The following LAMA2 variants were observed in gnomAD, a reference collection of about 807,000 sequenced individuals.
LAMA2 encodes laminin subunit alpha 2.
LAMA2 carries 269 observed loss-of-function variants against 364.8 expected under a neutral mutation model. The ratio of observed to expected loss-of-function variants is 0.74; its 90% confidence interval spans 0.67 to 0.82. The LOEUF (loss-of-function observed/expected upper bound fraction) is 0.82. LAMA2 is among the 40% of genes least tolerant of loss of function. The pLI is 0.00. For synonymous variants in LAMA2, 1,379 were observed against 1,370.6 expected, an observed-to-expected ratio of 1.01 and a Z score of -0.14; for missense variants, 3,807 against 3,873.2, an observed-to-expected ratio of 0.98 and a Z score of 0.45.
intron 1 of LAMA2, among the ~76,000 whole-genome samples, chr6:128,960,979 A>G (rs1217164843): frequency 6.6e-6 from 1 of 151,940 alleles, no homozygotes; most frequent in African/African-American, 2.4e-5. Flanking sequence ...TTTAGCTGAG[A>G]CACTAAAATT....
At chr6:128,949,762 T>A (rs1780698316) in intron 1 of LAMA2, among the ~76,000 whole-genome samples, 1 of 152,198 alleles carries the variant, frequency 6.6e-6, no homozygotes, top group African/African-American at 2.4e-5. Context: ...TATTTTAGAG[T>A]TTTAAAACTT....
chr6:128,911,794 A>G (rs1013794341), intron 1 of LAMA2, among the ~76,000 whole-genome samples: 1 of 152,200 alleles, frequency 6.6e-6, no homozygotes, highest in African/African-American at 2.4e-5. Flanking sequence ...CTCCTTTCCC[A>G]GAAGGCCCTC....
intron 1 of LAMA2, among the ~76,000 whole-genome samples, chr6:128,924,125 A>T (rs987210553): frequency 2.6e-5 from 4 of 152,144 alleles, no homozygotes; most frequent in African/African-American, 7.2e-5. Context: ...TTAAAATCAT[A>T]CTATGCTCTC....
chr6:129,011,735 A>G (rs1189237603), intron 1 of LAMA2, among the ~76,000 whole-genome samples: 1 of 152,234 alleles, frequency 6.6e-6, no homozygotes, highest in Non-Finnish European at 1.5e-5. Flanking sequence ...CAGGGTCAGT[A>G]GGCAAGCTTT....
intron 58 of LAMA2, among the ~76,000 whole-genome samples, chr6:129,496,308 G>A (rs575842887): frequency 8.6e-5 from 13 of 151,952 alleles, no homozygotes; most frequent in East Asian, 1.9e-4. Context: ...CTGGGATTAC[G>A]GGCATGCACC....
At chr6:129,112,712 C>T (rs117501367) in intron 4 of LAMA2, among the ~76,000 whole-genome samples, 5 of 150,044 alleles carry the variant, frequency 3.3e-5, no homozygotes, top group Non-Finnish European at 7.4e-5. Context: ...AGTCTGGTTA[C>T]AAGATTACAG....
rs538602717 is a variant in LAMA2 at position 129,353,594 on chromosome 6, T to C, written c.4717+237T>C. Among the ~76,000 whole-genome samples, 15 of 152,216 alleles carry C rather than the reference T, an allele frequency of 9.9e-5. No homozygotes were observed. The East Asian group carries it at 2.9e-3, about 29-fold the overall frequency. On this transcript the variant is annotated intron_variant, in intron 32 of 64. Coordinates refer to ENST00000421865, the MANE Select transcript of LAMA2 (RefSeq NM_000426.4). ...CCTCAGTGTGCTTTAGTCAGTTCAT[T>C]GAAAGACCTACAATGAAGCTCCTGG... is the stretch of plus-strand genomic sequence containing the variant.
chr6:129,267,715 T>C (rs1787616232), intron 16 of LAMA2, among the ~76,000 whole-genome samples: 1 of 152,088 alleles, frequency 6.6e-6, no homozygotes, highest in Non-Finnish European at 1.5e-5. Flanking sequence ...CATTTGTAGA[T>C]TAAAAATAAA....
rs891894566 is a variant in LAMA2 at position 129,218,528 on chromosome 6, A to G, written c.1782+25675A>G. ...AACTACCTCTACAATATAAGATAGC[A>G]GTAGGCTGTAAGTTAAAATAATCAT... On this transcript the variant is annotated intron_variant, in intron 12 of 64. Transcript: ENST00000421865. Among the ~76,000 whole-genome samples, 6 of 152,302 alleles carry G rather than the reference A, an allele frequency of 3.9e-5. No individual in the cohort carries two copies. The East Asian group carries it at 5.8e-4, about 15-fold the overall frequency.
intron 45 of LAMA2, among the ~76,000 whole-genome samples, chr6:129,450,053 C>T (rs1404714580): frequency 6.6e-6 from 1 of 151,994 alleles, no homozygotes; most frequent in Admixed American, 6.6e-5. Context: ...ATCCGCCTGC[C>T]TTGGCCTCCC....
At chr6:129,123,140 T>C (rs1033929674) in intron 4 of LAMA2, among the ~76,000 whole-genome samples, 2 of 151,652 alleles carry the variant, frequency 1.3e-5, no homozygotes, top group African/African-American at 2.4e-5. Context: ...CTGTCTCTAC[T>C]AAAAAACATC....
chr6:129,088,396 A>G (rs1774535161), intron 3 of LAMA2, among the ~76,000 whole-genome samples: 1 of 152,070 alleles, frequency 6.6e-6, no homozygotes, highest in African/African-American at 2.4e-5. Flanking sequence ...CCCGTTCTCA[A>G]TGAGCTGCTG....
At chr6:129,415,989 C>T (rs1365213500) in intron 40 of LAMA2, among the ~76,000 whole-genome samples, 1 of 91,372 alleles carries the variant, frequency 1.1e-5, no homozygotes, top group Admixed American at 9.9e-5. Context: ...CGCTCTGTCG[C>T]CCAGGCTGGA....
chr6:128,995,585 AAG>A (rs1378252897), intron 1 of LAMA2, among the ~76,000 whole-genome samples: 2 of 152,098 alleles, frequency 1.3e-5, no homozygotes, highest in African/African-American at 4.8e-5. Context: ...TGGCCTTCCA[AAG>A]TGCTGGGATT....
chr6:128,939,480 T>C (rs138402129), intron 1 of LAMA2, among the ~76,000 whole-genome samples: 1 of 152,302 alleles, frequency 6.6e-6, no homozygotes, highest in Non-Finnish European at 1.5e-5. Context: ...TCATTTACTT[T>C]CTTTTTGCTT....
rs147398243 is a variant in LAMA2 at position 129,098,255 on chromosome 6, A to T, written c.479A>T (p.Asp160Val). The T allele has an allele frequency of 5.3e-5, 85 of 1,614,010 alleles. No individual in the cohort carries two copies. Among genetic ancestry groups the T allele is most frequent in the Non-Finnish European group, 6.7e-5 (79 of 1,180,020 alleles). ...TGGATTTTGGAACGCTCTCTTGATG[A>T]TGTTGAATACAAGCCCTGGCAGTAT... ...GNWILERSLD[D>V]VEYKPWQYHA... is the part of the protein sequence containing the mutation. Residue 160 changes from aspartate to valine, a missense_variant, in exon 4 of 65, where the codon GAT becomes GTT. Physicochemically the swap from Asp to Val is radical, Grantham distance 152. Around this residue, in one of 3 missense-constraint regions of LAMA2, gnomAD observed 394 missense variants for 403.5 expected, o/e 0.98. Transcript: ENST00000421865.
chr6:129,328,732 G>A (rs1364537321), intron 29 of LAMA2, among the ~76,000 whole-genome samples: 9 of 151,892 alleles, frequency 5.9e-5, no homozygotes, highest in East Asian at 3.9e-4. Flanking sequence ...ATAAAATTTG[G>A]AAATTACAGA....
intron 51 of LAMA2, among the ~76,000 whole-genome samples, chr6:129,468,773 A>G (rs1412652088): frequency 1.3e-5 from 2 of 151,922 alleles, no homozygotes; most frequent in Non-Finnish European, 2.9e-5. Flanking sequence ...TTAAATACCA[A>G]CTATGCATCA....
At position 129,447,848 on chromosome 6, in the gene LAMA2, T is replaced by C. The variant is rs141778982; in HGVS notation, c.6429+2027T>C. 2.7e-3 allele frequency among the ~76,000 whole-genome samples: 405 copies of C among 152,360 alleles called. 1 individual carries two copies. Among genetic ancestry groups the C allele is most frequent in the Non-Finnish European group, 4.7e-3 (321 of 68,032 alleles). On this transcript the variant is annotated intron_variant, in intron 45 of 64. Transcript: ENST00000421865. ...TTTGTGAATCTCACATTTAGCCACATTTTCTGACTTAGTCATCAAGTGGAG... is the reference window on the plus strand; with the variant it reads ...TTTGTGAATCTCACATTTAGCCACACTTTCTGACTTAGTCATCAAGTGGAG...
Sources: gnomAD v4.1 joint callset for allele counts (sites outside exome capture counted in the v4.1 genomes callset) on GRCh38, gnomAD v4.1.1 for gene constraint, gnomAD v4.1.1 regional missense constraint, MANE v1.5 for transcripts, NCBI Gene and HGNC (gene_info 2026-07-23, HGNC 2026-07-21) for gene names.